The following CIMIP2B variants were observed in gnomAD, a reference collection of about 807,000 sequenced individuals.
CIMIP2B encodes ciliary microtubule inner protein 2B.
chr9:35,562,441 T>TG, the CIMIP2B span: 3,485 of 1,575,344 alleles, frequency 2.2e-3, 104 homozygotes, highest in Admixed American at 0.05. Flanking sequence ...TTCTGGGAAG[T>TG]GGGGGGAGAT....
At chr9:35,563,356 G>T in the CIMIP2B span, 8 of 1,613,506 alleles carry the variant, frequency 5.0e-6, no homozygotes, top group African/African-American at 9.3e-5. Context: ...TCTGGCCCAC[G>T]CTGAACCGAA....
the CIMIP2B span, chr9:35,562,820 CAGTA>C: frequency 1.9e-6 from 3 of 1,611,798 alleles, no homozygotes; most frequent in Non-Finnish European, 2.5e-6. Flanking sequence ...CCCGGACACA[CAGTA>C]AGACCCCCAC....
chr9:35,563,870 C>T, the CIMIP2B span: 1 of 1,587,076 alleles, frequency 6.3e-7, no homozygotes, highest in South Asian at 1.1e-5. Context: ...TGAGCCAAGG[C>T]TCTGGTCTGT....
chr9:35,562,056 G>A, the CIMIP2B span: 1 of 1,535,846 alleles, frequency 6.5e-7, no homozygotes. Context: ...AGCATCATGG[G>A]TGAGATGGCC....
chr9:35,562,120 C>A, the CIMIP2B span: 1 of 1,487,852 alleles, frequency 6.7e-7, no homozygotes, highest in South Asian at 1.2e-5. Context: ...GAGTCTGTCA[C>A]ATGTAGCAAG....
the CIMIP2B span, chr9:35,562,571 A>T: frequency 3.1e-6 from 5 of 1,600,470 alleles, no homozygotes; most frequent in Non-Finnish European, 4.3e-6. Context: ...ATAGCCAGTG[A>T]AGCCTGAGGA....
the CIMIP2B span, chr9:35,562,500 G>A: frequency 1.9e-6 from 3 of 1,578,286 alleles, no homozygotes; most frequent in Non-Finnish European, 2.6e-6. Context: ...CCAAATTCCT[G>A]CAGTGCCTGG....
At chr9:35,563,834 G>A in the CIMIP2B span, 2 of 1,613,796 alleles carry the variant, frequency 1.2e-6, no homozygotes. Flanking sequence ...GCCATGGGGA[G>A]CCGGGCATTT....
the CIMIP2B span, chr9:35,562,132 G>A: frequency 2.8e-6 from 4 of 1,441,024 alleles, no homozygotes; most frequent in South Asian, 1.3e-5. Context: ...TGTAGCAAGT[G>A]GCATGGCAAA....
chr9:35,562,842 C>A, the CIMIP2B span: 1 of 1,613,678 alleles, frequency 6.2e-7, no homozygotes, highest in Non-Finnish European at 8.5e-7. Context: ...CACTCCCACA[C>A]CTCTGCACTC....
At chr9:35,562,690 T>C in the CIMIP2B span, 1 of 1,613,414 alleles carries the variant, frequency 6.2e-7, no homozygotes, top group African/African-American at 1.3e-5. Context: ...ATCCATGGAG[T>C]AGGGAGAAGC....
chr9:35,563,658 C>A, the CIMIP2B span: 1 of 1,030,098 alleles, frequency 9.7e-7, no homozygotes, highest in Non-Finnish European at 1.5e-6. Context: ...GAGACCTCAG[C>A]CTCCCAAACC....
the CIMIP2B span, chr9:35,563,270 AGAAGTGTGCGGTG>A: frequency 1.2e-6 from 2 of 1,614,014 alleles, no homozygotes; most frequent in Admixed American, 3.3e-5. Context: ...AATGGGAGGC[AGAAGTGTGCGGTG>A]GACAGGGGGC....
At chr9:35,562,194 C>T in the CIMIP2B span, 2 of 1,094,670 alleles carry the variant, frequency 1.8e-6, no homozygotes, top group East Asian at 2.6e-5. Context: ...CCTCTAAAAT[C>T]TGGCCCTAAT....
chr9:35,562,394 C>G, the CIMIP2B span: 13 of 1,489,040 alleles, frequency 8.7e-6, no homozygotes, highest in Non-Finnish European at 1.2e-5. Context: ...CACGTAGCCC[C>G]CATAGTTAGG....
the CIMIP2B span, chr9:35,562,712 G>A: frequency 1.9e-6 from 3 of 1,613,598 alleles, no homozygotes; most frequent in Admixed American, 1.7e-5. Context: ...TGTGAGAGAA[G>A]CCCCTGTGCT....
the CIMIP2B span, chr9:35,563,465 A>C: frequency 4.3e-6 from 5 of 1,155,728 alleles, no homozygotes; most frequent in South Asian, 1.3e-5. Flanking sequence ...AGACCTCTGA[A>C]GCCCTGATCT....
the CIMIP2B span, chr9:35,563,814 G>T: frequency 6.2e-7 from 1 of 1,614,004 alleles, no homozygotes. Flanking sequence ...GTATGAAGGT[G>T]CTGGCCACAG....
chr9:35,562,062 T>C, the CIMIP2B span: 9 of 1,535,654 alleles, frequency 5.9e-6, no homozygotes, highest in Middle Eastern at 2.0e-4. Context: ...ATGGGTGAGA[T>C]GGCCAAATGT....
Sources: allele counts gnomAD v4.1 joint callset, GRCh38; gene constraint gnomAD v4.1.1; transcripts MANE v1.5; gene names NCBI Gene and HGNC (gene_info 2026-07-23, HGNC 2026-07-21).